Variants in CCDC178 observed in about 807,000 individuals in gnomAD.
The protein encoded by CCDC178 is coiled-coil domain-containing protein 178.
A neutral mutation model predicts 117.4 loss-of-function variants in CCDC178; 126 were observed. That is an observed-to-expected ratio of 1.07 (90% confidence interval 0.93 to 1.24). CCDC178 has a LOEUF of 1.24. CCDC178 is among the 50% of genes most tolerant of loss of function. The probability of loss-of-function intolerance (pLI) is 0.00; values close to 1 mark genes in which losing one functional copy is unlikely to be tolerated. For synonymous variants in CCDC178, 283 were observed against 313.4 expected, an observed-to-expected ratio of 0.90 and a Z score of 1.02; for missense variants, 1,030 against 986.9, an observed-to-expected ratio of 1.04 and a Z score of -0.59.
intron 3 of CCDC178, among the ~76,000 whole-genome samples, chr18:33,407,094 T>C (rs2063791803): frequency 6.6e-6 from 1 of 152,168 alleles, no homozygotes; most frequent in Admixed American, 6.6e-5. Flanking sequence ...CTTAAACACA[T>C]AATTCTTTAA....
At chr18:32,969,026 G>T (rs546721620) in intron 22 of CCDC178, among the ~76,000 whole-genome samples, 48 of 152,064 alleles carry the variant, frequency 3.2e-4, no homozygotes, top group African/African-American at 1.1e-3. Flanking sequence ...GAATGCTTTT[G>T]TTTATTAAGT....
intron 22 of CCDC178, among the ~76,000 whole-genome samples, chr18:32,964,240 T>C (rs2054765433): frequency 6.6e-6 from 1 of 152,078 alleles, no homozygotes. Flanking sequence ...TTTGGTTAAA[T>C]GTGGCTCATT....
intron 12 of CCDC178, among the ~76,000 whole-genome samples, chr18:33,281,120 AAC>A (rs1266578664): frequency 2.1e-5 from 3 of 140,424 alleles, no homozygotes; most frequent in Non-Finnish European, 3.1e-5. Flanking sequence ...ATAATAAAGA[AAC>A]ACACACACAA....
chr18:33,356,707 T>C (rs903756865), intron 6 of CCDC178, among the ~76,000 whole-genome samples: 1 of 152,170 alleles, frequency 6.6e-6, no homozygotes, highest in Non-Finnish European at 1.5e-5. Context: ...AAAGACTCTT[T>C]GTAGCAATAA....
At chr18:33,245,898 G>T (rs778185507) in intron 14 of CCDC178, among the ~76,000 whole-genome samples, 10 of 151,852 alleles carry the variant, frequency 6.6e-5, no homozygotes. Context: ...CCTGTGCATT[G>T]TAAGTAAGAT....
chr18:33,191,433 T>C (rs1244812214), intron 20 of CCDC178, among the ~76,000 whole-genome samples: 2 of 152,152 alleles, frequency 1.3e-5, no homozygotes, highest in African/African-American at 2.4e-5. Context: ...AACTTTGAAT[T>C]TATTTTCAAG....
intron 21 of CCDC178, among the ~76,000 whole-genome samples, chr18:33,059,958 A>T (rs2144957611): frequency 6.6e-6 from 1 of 151,918 alleles, no homozygotes; most frequent in East Asian, 1.9e-4. Context: ...TCCTTTCCAA[A>T]CTCTTTGGGA....
intron 20 of CCDC178, among the ~76,000 whole-genome samples, chr18:33,163,984 A>G (rs796470244): frequency 2.2e-4 from 34 of 152,222 alleles, no homozygotes; most frequent in African/African-American, 8.2e-4. Context: ...TATTTGCCAC[A>G]CCCTGCTTCC....
intron 12 of CCDC178, among the ~76,000 whole-genome samples, chr18:33,272,615 A>G (rs967315383): frequency 3.3e-5 from 5 of 151,640 alleles, no homozygotes; most frequent in Non-Finnish European, 5.9e-5. Context: ...GTACAGACTG[A>G]TATCTCTTGT....
chr18:33,131,399 C>T (rs957355033), intron 20 of CCDC178, among the ~76,000 whole-genome samples: 8 of 151,480 alleles, frequency 5.3e-5, no homozygotes, highest in Admixed American at 5.3e-4. Flanking sequence ...TGAAAAAAAT[C>T]ATGCCCAAAC....
At chr18:33,052,421 A>G (rs1319347759) in intron 21 of CCDC178, among the ~76,000 whole-genome samples, 1 of 152,246 alleles carries the variant, frequency 6.6e-6, no homozygotes, top group Non-Finnish European at 1.5e-5. Flanking sequence ...ACTTTAAGTT[A>G]TATGATAACA....
At chr18:33,008,803 C>A (rs535500685) in intron 21 of CCDC178, among the ~76,000 whole-genome samples, 41 of 152,092 alleles carry the variant, frequency 2.7e-4, no homozygotes, top group African/African-American at 8.2e-4. Flanking sequence ...CTAATGATTG[C>A]CAACATTATC....
chr18:33,286,428 T>C (rs1388019913), intron 12 of CCDC178, among the ~76,000 whole-genome samples: 1 of 152,230 alleles, frequency 6.6e-6, no homozygotes, highest in Admixed American at 6.5e-5. Context: ...AGAAAATCAC[T>C]CAGCTTCTCT....
At position 33,206,361 on chromosome 18, in the gene CCDC178, A is replaced by G. The variant is rs973194287; in HGVS notation, c.2238+5535T>C. On this transcript the variant is annotated intron_variant, in intron 20 of 22. Transcript: ENST00000383096. ...AGAATAACTTATGAAAGTCAATCAA[A>G]GGAAATAATAAAGAAAAAAGCTAAA... Among the ~76,000 whole-genome samples, 6 of 152,234 alleles carry G rather than the reference A, an allele frequency of 3.9e-5. 1 individual carries two copies. Among genetic ancestry groups the G allele is most frequent in the Admixed American group, 3.9e-4 (6 of 15,290 alleles).
chr18:32,985,816 C>T (rs1425436763), intron 21 of CCDC178, among the ~76,000 whole-genome samples: 3 of 151,986 alleles, frequency 2.0e-5, no homozygotes, highest in Non-Finnish European at 4.4e-5. Context: ...GGAAGGATCA[C>T]TGGATATTTG....
intron 20 of CCDC178, among the ~76,000 whole-genome samples, chr18:33,200,441 C>T (rs2058979068): frequency 6.6e-6 from 1 of 152,108 alleles, no homozygotes; most frequent in Non-Finnish European, 1.5e-5. Context: ...AGCTTTGTTA[C>T]CCTTCTGGTC....
intron 15 of CCDC178, among the ~76,000 whole-genome samples, chr18:33,242,059 A>C (rs1168723608): frequency 6.6e-6 from 1 of 151,942 alleles, no homozygotes; most frequent in Non-Finnish European, 1.5e-5. Flanking sequence ...TACTGGCATA[A>C]AAACAGTCAC....
At chr18:33,204,984 T>C (rs2059031972) in intron 20 of CCDC178, among the ~76,000 whole-genome samples, 1 of 152,022 alleles carries the variant, frequency 6.6e-6, no homozygotes, top group Non-Finnish European at 1.5e-5. Flanking sequence ...AGGGGCCAAA[T>C]TGTTCATATT....
At chr18:33,274,637 T>C (rs2059926678) in intron 12 of CCDC178, among the ~76,000 whole-genome samples, 1 of 152,058 alleles carries the variant, frequency 6.6e-6, no homozygotes, top group Non-Finnish European at 1.5e-5. Context: ...GTCTATTGTC[T>C]TGCCTCAGGT....
Sources: gnomAD v4.1 joint callset for allele counts (sites outside exome capture counted in the v4.1 genomes callset) on GRCh38, gnomAD v4.1.1 for gene constraint, MANE v1.5 for transcripts, NCBI Gene and HGNC (gene_info 2026-07-23, HGNC 2026-07-21) for gene names.